CACNA1C: variants seen among roughly 807,000 people sequenced by gnomAD.
The protein encoded by CACNA1C is voltage-dependent L-type calcium channel subunit alpha-1C.
Under a neutral mutation model 229.0 loss-of-function variants are expected in CACNA1C, and 30 were observed. The ratio of observed to expected loss-of-function variants is 0.13; its 90% CI spans 0.10 to 0.18. CACNA1C has a LOEUF of 0.18. CACNA1C is among the 10% of genes least tolerant of loss of function. The pLI is 1.00. For missense variants in CACNA1C, 1,658 were observed against 2,845.0 expected (o/e 0.58, Z 9.49); for synonymous variants, 1,114 against 1,132.5 (o/e 0.98, Z 0.33).
At chr12:1,972,477 A>T (rs1277464472) in intron 1 of CACNA1C, among the ~76,000 whole-genome samples, 2 of 152,352 alleles carry the variant, frequency 1.3e-5, no homozygotes, top group South Asian at 4.1e-4. Flanking sequence ...AAAGATCCCA[A>T]GATATTTAAA....
At chr12:2,139,007 G>A (rs1000677941) in intron 3 of CACNA1C, among the ~76,000 whole-genome samples, 16 of 150,178 alleles carry the variant, frequency 1.1e-4, no homozygotes, top group African/African-American at 1.7e-4. Flanking sequence ...ACTCATCTGC[G>A]TCTCTCAGTG....
At chr12:1,987,006 G>A (rs1454464623) in intron 1 of CACNA1C, among the ~76,000 whole-genome samples, 3 of 152,076 alleles carry the variant, frequency 2.0e-5, no homozygotes, top group Admixed American at 6.6e-5. Flanking sequence ...ATAGAAGTGG[G>A]GATAGAACGA....
chr12:2,651,791 G>T lies in CACNA1C; in HGVS notation c.4074+23G>T. On this transcript the variant is annotated intron_variant, in intron 32 of 46. Coordinates refer to ENST00000399655, the MANE Select transcript of CACNA1C (RefSeq NM_000719.7). This position sits in a 1 kb window ranked among gnomAD's most constrained non-coding sequence, Gnocchi z 5.4. ...CAGGTAGCCGCCCCTCATGTCCTGCGGCCCGGGGAATCGCAGGGCTGCCGC... is the reference window on the plus strand; with the variant it reads ...CAGGTAGCCGCCCCTCATGTCCTGCTGCCCGGGGAATCGCAGGGCTGCCGC... 6.4e-7 allele frequency: 1 copy of T among 1,556,554 alleles called. No homozygotes were observed. Among genetic ancestry groups the T allele is most frequent in the Non-Finnish European group, 8.7e-7 (1 of 1,155,000 alleles).
In CACNA1C at chr12:2,486,285, C is replaced by T. The variant is rs755212765; in HGVS notation, c.916+23C>T. 1 of 1,605,130 alleles carries T rather than the reference C, an allele frequency of 6.2e-7. No homozygotes were observed. The highest frequency in any genetic ancestry group is 1.7e-5 in the Admixed American group (1 of 59,744). ...CAGGTAAGAGGGGCAGGCGGCTGCGCTCCCAAGGCCCTGCCCTCTATCGCT... is the reference window on the plus strand; with the variant it reads ...CAGGTAAGAGGGGCAGGCGGCTGCGTTCCCAAGGCCCTGCCCTCTATCGCT... On this transcript the variant is annotated intron_variant, in intron 6 of 46. Transcript: ENST00000399655. This position sits in a 1 kb window ranked among gnomAD's most constrained non-coding sequence, Gnocchi z 4.9.
intron 3 of CACNA1C, among the ~76,000 whole-genome samples, chr12:2,257,722 A>T (rs2078524758): frequency 6.6e-6 from 1 of 152,104 alleles, no homozygotes; most frequent in Non-Finnish European, 1.5e-5. Context: ...TCTCCTCCAG[A>T]TTCTCCCAGG....
At chr12:2,111,253 C>T (rs2081609159) in intron 1 of CACNA1C, among the ~76,000 whole-genome samples, 2 of 152,228 alleles carry the variant, frequency 1.3e-5, no homozygotes, top group African/African-American at 4.8e-5. Flanking sequence ...TAAGGTCCCT[C>T]ATGGAGTTTT....
chr12:2,449,575 G>T (rs2088445039), intron 4 of CACNA1C, among the ~76,000 whole-genome samples: 2 of 152,238 alleles, frequency 1.3e-5, no homozygotes, highest in Non-Finnish European at 2.9e-5. Flanking sequence ...CTTCAGGCAA[G>T]AAGAAAGGAT....
At chr12:2,118,982 A>T (rs1457518227) in intron 2 of CACNA1C, among the ~76,000 whole-genome samples, 1 of 152,178 alleles carries the variant, frequency 6.6e-6, no homozygotes, top group Non-Finnish European at 1.5e-5. Flanking sequence ...GTGCTAAGAT[A>T]ATCACTCGGG....
chr12:2,510,493 T>C (rs1020009598), intron 8 of CACNA1C, among the ~76,000 whole-genome samples: 4 of 152,212 alleles, frequency 2.6e-5, no homozygotes, highest in Non-Finnish European at 5.9e-5. Flanking sequence ...GCATACCTCG[T>C]GTTCTGTTTC....
At chr12:2,519,445 A>G (rs2239107) in intron 9 of CACNA1C, among the ~76,000 whole-genome samples, 30,571 of 152,066 alleles carry the variant, frequency 0.2, 4,164 homozygotes, top group African/African-American at 0.38. Context: ...TTGTGGCATC[A>G]CCGATGACAT....
intron 29 of CACNA1C, among the ~76,000 whole-genome samples, chr12:2,619,139 C>G (rs113688184): frequency 1.2e-4 from 18 of 152,290 alleles, no homozygotes; most frequent in African/African-American, 4.3e-4. Context: ...ACCTCAGCAT[C>G]ACCTTGAACC....
intron 3 of CACNA1C, among the ~76,000 whole-genome samples, chr12:2,220,310 G>A (rs1168405266): frequency 6.6e-6 from 1 of 152,174 alleles, no homozygotes; most frequent in Non-Finnish European, 1.5e-5. Context: ...CTGCAGAGTT[G>A]TGAGGCCTGT....
rs770131719 is a variant in CACNA1C, at chr12:2,607,102, A to G, written c.3328A>G (p.Thr1110Ala). 6.2e-7 allele frequency: 1 copy of G among 1,613,654 alleles called. No individual in the cohort carries two copies. Among genetic ancestry groups the G allele is most frequent in the South Asian group, 1.1e-5 (1 of 90,994 alleles). Reference sequence around the variant, plus strand: ...TCTGGCAGCCATGATGGCCCTCTTCACCGTCTCCACCTTCGAAGGGTGGCC... The same window carrying G: ...TCTGGCAGCCATGATGGCCCTCTTCGCCGTCTCCACCTTCGAAGGGTGGCC... Reference protein sequence around the residue: ...NVLAAMMALFTVSTFEGWPEL... With the variant: ...NVLAAMMALFAVSTFEGWPEL... Residue 1110 changes from threonine to alanine, a missense_variant, in exon 26 of 47, where the codon ACC becomes GCC. Transcript: ENST00000399655.
chr12:2,145,600 C>T (rs1479608821), intron 3 of CACNA1C, among the ~76,000 whole-genome samples: 1 of 151,138 alleles, frequency 6.6e-6, no homozygotes, highest in African/African-American at 2.4e-5. Flanking sequence ...TATTGAGTGC[C>T]TACTGTGTAC....
Position 2,653,491 on chromosome 12 carries a change from C to T in CACNA1C, c.4075-344C>T, listed in dbSNP as rs535813364. ...CTCCTCCACAGGTAACCACAGTCAG[C>T]GGGGTGCTGTCCTCCACGATTTCTC... is the stretch of plus-strand genomic sequence containing the variant. On this transcript the variant is annotated intron_variant, in intron 32 of 46. Coordinates refer to ENST00000399655, the MANE Select transcript of CACNA1C (RefSeq NM_000719.7). This position sits in a 1 kb window ranked among gnomAD's most constrained non-coding sequence, Gnocchi z 4.7. Among the ~76,000 whole-genome samples, 12 of 152,330 alleles carry T rather than the reference C, an allele frequency of 7.9e-5. No homozygotes were observed. The highest frequency in any genetic ancestry group is 1.2e-4 in the Non-Finnish European group (8 of 68,028).
rs1459274364 is a variant in CACNA1C, at chr12:2,053,796, C to G, written c.49+185C>G. On this transcript the variant is annotated intron_variant, in intron 1 of 46. Coordinates refer to ENST00000399655, the MANE Select transcript of CACNA1C (RefSeq NM_000719.7). The surrounding 1 kb of genome is among the most constrained non-coding windows in gnomAD (Gnocchi z 5.8). Reference sequence around the variant, plus strand: ...GGCGGGACCGGGGCCCGAACCGCCGCGCGAGACGGAGCGGAAAATTCCCGC... The same window carrying G: ...GGCGGGACCGGGGCCCGAACCGCCGGGCGAGACGGAGCGGAAAATTCCCGC... Among the ~76,000 whole-genome samples, 1 of 150,540 alleles carries G rather than the reference C, an allele frequency of 6.6e-6. No individual in the cohort carries two copies. Among genetic ancestry groups the G allele is most frequent in the African/African-American group, 2.4e-5 (1 of 41,188 alleles).
chr12:2,396,690 CCA>C (rs1448009140), intron 3 of CACNA1C, among the ~76,000 whole-genome samples: 1 of 152,268 alleles, frequency 6.6e-6, no homozygotes, highest in Admixed American at 6.5e-5. Context: ...TGGCCTATGG[CCA>C]CACAGCAGGC....
Position 2,576,683 on chromosome 12 carries a change from G to A in CACNA1C, c.1896-4907G>A, listed in dbSNP as rs151052952. 7.0e-3 allele frequency among the ~76,000 whole-genome samples: 1,067 copies of A among 152,220 alleles called. 12 individuals are homozygous for A. Among genetic ancestry groups the A allele is most frequent in the African/African-American group, 0.024 (1,002 of 41,528 alleles). Reference sequence around the variant, plus strand: ...TCCAATCTTCAGGCCATAGCTGTGCGAGCCATCAGACCACATTAAGAGGAG... The same window carrying A: ...TCCAATCTTCAGGCCATAGCTGTGCAAGCCATCAGACCACATTAAGAGGAG... On this transcript the variant is annotated intron_variant, in intron 13 of 46. Coordinates refer to ENST00000399655, the MANE Select transcript of CACNA1C (RefSeq NM_000719.7).
Position 2,677,098 on chromosome 12 carries a change from TGAG to T in CACNA1C, c.4835_4837del (p.Glu1612del). ...TCCCCTCTCCATACGTCTCAGATGA[TGAG>T]GTCACCGTTGGCAAGTTCTACGCCA... is the stretch of plus-strand genomic sequence containing the variant. On this transcript the variant is annotated inframe_deletion, in exon 40 of 47. Transcript: ENST00000399655. This position sits in a 1 kb window ranked among gnomAD's most constrained non-coding sequence, Gnocchi z 7.4. The T allele has an allele frequency of 6.2e-7, 1 of 1,612,972 alleles. No homozygotes were observed. The highest frequency in any genetic ancestry group is 1.3e-5 in the African/African-American group (1 of 75,014).
Sources: gnomAD v4.1 joint callset for allele counts (sites outside exome capture counted in the v4.1 genomes callset) on GRCh38, gnomAD v4.1.1 for gene constraint, Gnocchi (gnomAD v3.1) non-coding constraint, MANE v1.5 for transcripts, NCBI Gene and HGNC (gene_info 2026-07-23, HGNC 2026-07-21) for gene names.